The following CHFR variants were observed in gnomAD, a reference collection of about 807,000 sequenced individuals.
The protein encoded by CHFR is checkpoint with forkhead and ring finger domains.
CHFR carries 57 observed loss-of-function variants against 87.6 expected under a neutral mutation model. The ratio of observed to expected loss-of-function variants is 0.65; its 90% CI spans 0.53 to 0.81. The LOEUF (loss-of-function observed/expected upper bound fraction) is 0.81, where lower values mean the gene tolerates loss of function less well. CHFR is among the 30% of genes least tolerant of loss of function. CHFR has a pLI of 0.00. For synonymous variants in CHFR, 381 were observed against 359.2 expected, an observed-to-expected ratio of 1.06 and a Z score of -0.69; for missense variants, 797 against 865.8, an observed-to-expected ratio of 0.92 and a Z score of 1.00.
intron 17 of CHFR, among the ~76,000 whole-genome samples, chr12:132,842,370 T>G (rs1950721587): frequency 6.6e-6 from 1 of 152,254 alleles, no homozygotes; most frequent in African/African-American, 2.4e-5. Context: ...CTCTTCCATG[T>G]GCTGTTTGTG....
Position 132,839,082 on chromosome 12 carries a change from C to G in CHFR, c.*2472G>C, listed in dbSNP as rs544491093. ...AGGACACCTGGAGCCCAGAGGCTCT[C>G]TGAGCTGCCTGCCCTTCCTGGACAG... On this transcript the variant is annotated 3_prime_UTR_variant, in exon 18 of 18. Transcript: ENST00000450056. The G allele has an allele frequency of 6.6e-6, 1 of 152,460 alleles. No homozygotes were observed. Among genetic ancestry groups the G allele is most frequent in the East Asian group, 1.9e-4 (1 of 5,184 alleles). 9.4% of individuals were successfully genotyped at this position (152,460 alleles called of 1,614,324 possible).
In CHFR at chr12:132,887,224, C is replaced by T. The variant is rs1250327307; in HGVS notation, c.105G>A (p.Lys35=). Residue 35 remains lysine, a synonymous_variant, in exon 2 of 18, where the codon AAG becomes AAA. Coordinates refer to ENST00000450056, the MANE Select transcript of CHFR (RefSeq NM_001161346.2). ...GTCTCCGCCCGATGGTCCACTCCCG[C>T]TTCCTCAGGAGGACGTGCGGCTCGC... is the stretch of plus-strand genomic sequence containing the variant. ...EEGEPHVLLR[K]REWTIGRRRG... is the part of the protein sequence containing the mutation. 3 of 1,503,068 alleles carry T rather than the reference C, an allele frequency of 2.0e-6. No homozygotes were observed. Among genetic ancestry groups the T allele is most frequent in the Admixed American group, 4.3e-5 (2 of 46,902 alleles). 93.1% of individuals were successfully genotyped at this position (1,503,068 alleles called of 1,614,324 possible). A position where few individuals can be genotyped will look rare whatever the true frequency, so the allele number is the denominator to read the frequency against.
At chr12:132,886,923 A>G (rs4758888) in intron 2 of CHFR, among the ~76,000 whole-genome samples, 32,479 of 152,190 alleles carry the variant, frequency 0.21, 3,777 homozygotes, top group African/African-American at 0.29. Context: ...ACAGTCAGAA[A>G]AGATACTCTG....
intron 3 of CHFR, among the ~76,000 whole-genome samples, chr12:132,875,559 G>A (rs546432695): frequency 6.6e-6 from 1 of 152,188 alleles, no homozygotes; most frequent in East Asian, 1.9e-4. Flanking sequence ...GGTGGCGGAG[G>A]TTGCAGTGAG....
chr12:132,870,692 T>G, intron 5 of CHFR, 32 bp downstream of exon 5: 1 of 1,478,608 alleles, frequency 6.8e-7, no homozygotes, highest in Non-Finnish European at 9.5e-7. Context: ...GCTCCTAACA[T>G]GCACCCACTT....
At chr12:132,885,571 G>T (rs943501361) in intron 2 of CHFR, among the ~76,000 whole-genome samples, 1 of 151,886 alleles carries the variant, frequency 6.6e-6, no homozygotes, top group Non-Finnish European at 1.5e-5. Flanking sequence ...CACTAAAATC[G>T]TTCCTATTAA....
At chr12:132,866,070 C>T (rs28441991) in intron 6 of CHFR, 31,384 of 152,038 alleles carry the variant, frequency 0.21, 3,467 homozygotes, top group African/African-American at 0.27. Flanking sequence ...TCTGAGAAGC[C>T]GGGGTTGTGT....
chr12:132,886,811 G>C (rs1951904886), intron 2 of CHFR, among the ~76,000 whole-genome samples: 1 of 152,098 alleles, frequency 6.6e-6, no homozygotes, highest in Non-Finnish European at 1.5e-5. Flanking sequence ...CCGTTGTAAA[G>C]ACTTATTTGA....
At position 132,868,262 on chromosome 12, in the gene CHFR, G is replaced by C. The variant is rs547884588; in HGVS notation, c.583+1357C>G. 3.9e-3 allele frequency among the ~76,000 whole-genome samples: 596 copies of C among 152,288 alleles called. 2 individuals carry two copies. The highest frequency in any genetic ancestry group is 0.011 in the African/African-American group (475 of 41,564). On this transcript the variant is annotated intron_variant, in intron 6 of 17. Transcript: ENST00000450056. ...ATCCTAGCACTTTGGGAGGCCGATC[G>C]GACAGATCACGAGGTCAGGAGATCG...
At chr12:132,848,311 C>G in intron 13 of CHFR, 156 bp from the exon 14 acceptor site, 1 of 1,374,722 alleles carries the variant, frequency 7.3e-7, no homozygotes, top group Non-Finnish European at 1.0e-6. Context: ...AGAGGACAAG[C>G]AGAAATGATT....
At position 132,848,015 on chromosome 12, in the gene CHFR, C is replaced by T. The variant is rs187168951; in HGVS notation, c.1647+70G>A. 4,047 of 1,611,154 alleles carry T rather than the reference C, an allele frequency of 2.5e-3. 8 individuals are homozygous for T. Among genetic ancestry groups the T allele is most frequent in the Non-Finnish European group, 3.1e-3 (3,638 of 1,178,558 alleles). On this transcript the variant is annotated intron_variant, in intron 14 of 17. Transcript: ENST00000450056. Reference sequence around the variant, plus strand: ...AAAACAGATAAACACCAATAGAATGCAGAGAACCAGCTGGCTGCACTAGGG... The same window carrying T: ...AAAACAGATAAACACCAATAGAATGTAGAGAACCAGCTGGCTGCACTAGGG...
chr12:132,861,797 C>A, intron 6 of CHFR, 163 bp from the exon 7 acceptor site: 2 of 614,310 alleles, frequency 3.3e-6, no homozygotes, highest in South Asian at 2.1e-5. Context: ...ACTCAACTCA[C>A]ATCTTAACTC....
chr12:132,839,810 T>A lies in CHFR; in HGVS notation c.*1744A>T, dbSNP rs1171600400. 1 of 171,868 alleles carries A rather than the reference T, an allele frequency of 5.8e-6. No homozygotes were observed. Among genetic ancestry groups the A allele is most frequent in the Non-Finnish European group, 1.2e-5 (1 of 81,164 alleles). 10.6% of individuals were successfully genotyped at this position (171,868 alleles called of 1,614,324 possible). ...CTCACCCCTGCACTAACTAGGGACC[T>A]CCCCTCTCAGCCTCGCCCCTGCACA... is the stretch of plus-strand genomic sequence containing the variant. On this transcript the variant is annotated 3_prime_UTR_variant, in exon 18 of 18. Coordinates refer to ENST00000450056, the MANE Select transcript of CHFR (RefSeq NM_001161346.2).
intron 14 of CHFR, chr12:132,847,866 A>C: frequency 3.6e-6 from 5 of 1,401,250 alleles, no homozygotes; most frequent in Non-Finnish European, 4.6e-6. Flanking sequence ...GGAGGCACAA[A>C]AACGAAATAC....
At chr12:132,877,755 C>A in intron 2 of CHFR, 101 bp from the exon 3 acceptor site, 2 of 619,782 alleles carry the variant, frequency 3.2e-6, no homozygotes, top group East Asian at 3.2e-5. Context: ...TCAGGATCCC[C>A]ATTGTACATA....
chr12:132,872,687 C>T (rs1279449949), intron 3 of CHFR, among the ~76,000 whole-genome samples: 1 of 152,162 alleles, frequency 6.6e-6, no homozygotes, highest in Non-Finnish European at 1.5e-5. Context: ...CTAGTGGACC[C>T]GGAGGCCTCG....
At position 132,841,502 on chromosome 12, in the gene CHFR, AAC is replaced by A; in HGVS notation, c.*50_*51del. 6.6e-7 allele frequency: 1 copy of A among 1,513,148 alleles called. No individual in the cohort carries two copies. Among genetic ancestry groups the A allele is most frequent in the Non-Finnish European group, 9.2e-7 (1 of 1,088,288 alleles). 93.7% of individuals were successfully genotyped at this position (1,513,148 alleles called of 1,614,324 possible). A position where few individuals can be genotyped will look rare whatever the true frequency, so the allele number is the denominator to read the frequency against. Reference sequence around the variant, plus strand: ...GACGTGCTTGTCTCTGTATTTTAAAAACACGCTCTCTTCACCTCCAGTGCTGA... The same window carrying A: ...GACGTGCTTGTCTCTGTATTTTAAAAACGCTCTCTTCACCTCCAGTGCTGA... On this transcript the variant is annotated 3_prime_UTR_variant, in exon 18 of 18. Transcript: ENST00000450056.
intron 9 of CHFR, 145 bp from the exon 10 acceptor site, chr12:132,856,775 G>C: frequency 1.1e-6 from 1 of 925,546 alleles, no homozygotes; most frequent in East Asian, 2.4e-5. Flanking sequence ...TGCTGGTGGA[G>C]GGACTGCCCT....
chr12:132,861,182 A>G (rs1191357048), intron 7 of CHFR, among the ~76,000 whole-genome samples: 1 of 152,234 alleles, frequency 6.6e-6, no homozygotes, highest in Non-Finnish European at 1.5e-5. Flanking sequence ...GCACCTGGCC[A>G]GGAAGGAGGA....
Sources: gnomAD v4.1 joint callset for allele counts (sites outside exome capture counted in the v4.1 genomes callset) on GRCh38, gnomAD v4.1.1 for gene constraint, MANE v1.5 for transcripts, NCBI Gene and HGNC (gene_info 2026-07-23, HGNC 2026-07-21) for gene names.